Variants in STAG1 observed in about 807,000 individuals in gnomAD.
STAG1 encodes the protein cohesin subunit SA-1.
In STAG1, 26 loss-of-function variants were observed where a neutral mutation model predicts 170.9. That is an observed-to-expected ratio of 0.15 (90% confidence interval 0.11 to 0.21). The LOEUF (loss-of-function observed/expected upper bound fraction) is 0.21, where lower values mean the gene tolerates loss of function less well. STAG1 is among the 10% of genes least tolerant of loss of function. The pLI is 1.00. For missense variants in STAG1, 964 were observed against 1,509.5 expected (o/e 0.64, Z 5.99); for synonymous variants, 514 against 497.7 (o/e 1.03, Z -0.44).
intron 3 of STAG1, among the ~76,000 whole-genome samples, chr3:136,620,578 T>C (rs1939797561): frequency 6.6e-6 from 1 of 152,214 alleles, no homozygotes; most frequent in Non-Finnish European, 1.5e-5. Flanking sequence ...TTCATAACAC[T>C]AGTGTGAGGA....
At chr3:136,606,750 C>CTT (rs529115947) in intron 3 of STAG1, among the ~76,000 whole-genome samples, 3,252 of 126,846 alleles carry the variant, frequency 0.026, 80 homozygotes, top group Non-Finnish European at 0.041. Context: ...AGGTAACATG[C>CTT]TTTTTTTTTT....
chr3:136,733,554 T>C (rs988536559), intron 1 of STAG1, among the ~76,000 whole-genome samples: 2 of 152,206 alleles, frequency 1.3e-5, no homozygotes, highest in African/African-American at 4.8e-5. Flanking sequence ...CAAGTTTACA[T>C]AGACAGAAAC....
intron 13 of STAG1, among the ~76,000 whole-genome samples, chr3:136,456,019 G>C (rs2089102564): frequency 6.6e-6 from 1 of 152,178 alleles, no homozygotes; most frequent in African/African-American, 2.4e-5. Flanking sequence ...TTCAAGTTCT[G>C]AAACTAAGAA....
chr3:136,699,637 G>C (rs1942991777), intron 1 of STAG1, among the ~76,000 whole-genome samples: 1 of 151,816 alleles, frequency 6.6e-6, no homozygotes, highest in Non-Finnish European at 1.5e-5. Context: ...CTTGGATGGA[G>C]GTAGAGGCCA....
chr3:136,479,055 T>C (rs1286042284), intron 9 of STAG1, among the ~76,000 whole-genome samples: 1 of 116,774 alleles, frequency 8.6e-6, no homozygotes, highest in Non-Finnish European at 1.7e-5. Flanking sequence ...GCTATTATAA[T>C]CTTTCTTTTT....
chr3:136,405,229 C>CTTTTT (rs2087443754), intron 21 of STAG1, among the ~76,000 whole-genome samples: 5 of 118,504 alleles, frequency 4.2e-5, no homozygotes, highest in Admixed American at 9.2e-5. Context: ...ATGAAAAAAC[C>CTTTTT]TCTTTTTTTT....
At chr3:136,698,938 T>C (rs1429208828) in intron 1 of STAG1, among the ~76,000 whole-genome samples, 2 of 152,188 alleles carry the variant, frequency 1.3e-5, no homozygotes, top group Admixed American at 1.3e-4. Flanking sequence ...TAGAGGCCAT[T>C]GTTCTAAGTG....
In STAG1 at chr3:136,417,875, A is replaced by C. The variant is rs754805979; in HGVS notation, c.2196+10T>G. The C allele has an allele frequency of 6.2e-7, 1 of 1,607,480 alleles. No individual in the cohort carries two copies. The highest frequency in any genetic ancestry group is 1.3e-5 in the African/African-American group (1 of 74,918). Reference sequence around the variant, plus strand: ...AGAGTCATACAGAAGGAATACCAATAAACTCCTACCTGTTCTGGCATGGCT... The same window carrying C: ...AGAGTCATACAGAAGGAATACCAATCAACTCCTACCTGTTCTGGCATGGCT... On this transcript the variant is annotated intron_variant, in intron 21 of 33. Transcript: ENST00000383202.
chr3:136,574,058 C>T (rs1299489764), intron 4 of STAG1, among the ~76,000 whole-genome samples: 19 of 151,736 alleles, frequency 1.3e-4, no homozygotes, highest in Admixed American at 2.6e-4. Context: ...CTGGCTAACA[C>T]GGTGAAATCC....
Position 136,472,497 on chromosome 3 carries a change from GA to G in STAG1, c.1126-6del, listed in dbSNP as rs756531368. The stretch of plus-strand genomic sequence containing the variant: ...TGTCATTGATACAATGCGATCCTGA[GA>G]AAAAAAAGTTGTAAAACAAACCAAC... On this transcript the variant is annotated splice_polypyrimidine_tract_variant and splice_region_variant and intron_variant, in intron 11 of 33. Transcript: ENST00000383202. 2.7e-5 allele frequency: 43 copies of G among 1,605,774 alleles called. No homozygotes were observed. The South Asian group carries it at 2.8e-4, about 10-fold the overall frequency.
At chr3:136,668,326 C>G (rs984648614) in intron 1 of STAG1, among the ~76,000 whole-genome samples, 1 of 143,342 alleles carries the variant, frequency 7.0e-6, no homozygotes, top group African/African-American at 2.6e-5. Flanking sequence ...ATATATTATA[C>G]ATGATATATA....
At chr3:136,736,670 C>G in intron 1 of STAG1, 1 of 1,604,784 alleles carries the variant, frequency 6.2e-7, no homozygotes, top group Non-Finnish European at 8.5e-7. Context: ...GAGCTTCAAT[C>G]TCTTCTCCCC....
intron 12 of STAG1, among the ~76,000 whole-genome samples, chr3:136,467,755 G>C (rs1019010249): frequency 1.3e-5 from 2 of 152,074 alleles, no homozygotes; most frequent in African/African-American, 2.4e-5. Flanking sequence ...CCACATAGTT[G>C]GAAGTAAAGC....
At chr3:136,384,264 A>C (rs1294906051) in intron 22 of STAG1, among the ~76,000 whole-genome samples, 3 of 151,802 alleles carry the variant, frequency 2.0e-5, no homozygotes, top group Non-Finnish European at 4.4e-5. Context: ...CAGCCTGGCC[A>C]ACATGGCAAA....
Position 136,349,314 on chromosome 3 carries a change from C to T in STAG1, c.3115G>A (p.Glu1039Lys). The change falls in exon 29 of 34, where the codon GAG (glutamate) becomes AAG (lysine). Residue 1039 changes from glutamate to lysine, a missense_variant. Around this residue, in one of 11 missense-constraint regions of STAG1, gnomAD observed 149 missense variants for 301.3 expected, o/e 0.49. Coordinates refer to ENST00000383202, the MANE Select transcript of STAG1 (RefSeq NM_005862.3). Reference sequence around the variant, plus strand: ...GAGATGAGTGGAAGCCATACATCCTCCCTCCTTTCCATCATCTGCTCGGTA... The same window carrying T: ...GAGATGAGTGGAAGCCATACATCCTTCCTCCTTTCCATCATCTGCTCGGTA... ...FLTEQMMERREDVWLPLISYR... is the reference protein window; with the variant it reads ...FLTEQMMERRKDVWLPLISYR... The T allele has an allele frequency of 1.2e-6, 2 of 1,614,024 alleles. No homozygotes were observed. The highest frequency in any genetic ancestry group is 1.7e-6 in the Non-Finnish European group (2 of 1,179,922).
At chr3:136,606,348 C>T (rs969288271) in intron 3 of STAG1, among the ~76,000 whole-genome samples, 6 of 152,080 alleles carry the variant, frequency 3.9e-5, no homozygotes, top group African/African-American at 1.4e-4. Flanking sequence ...GTCATCACGC[C>T]CAGCTCATTT....
chr3:136,654,342 C>T (rs900360452), intron 1 of STAG1, among the ~76,000 whole-genome samples: 1 of 152,136 alleles, frequency 6.6e-6, no homozygotes, highest in South Asian at 2.1e-4. Flanking sequence ...TTTCTATACA[C>T]TAACAATGAA....
At chr3:136,648,837 C>G (rs1941119653) in intron 1 of STAG1, among the ~76,000 whole-genome samples, 2 of 152,166 alleles carry the variant, frequency 1.3e-5, no homozygotes, top group African/African-American at 4.8e-5. Flanking sequence ...TCAATAGTCT[C>G]CTAGTCTTCT....
At chr3:136,422,686 A>C (rs1485228724) in intron 18 of STAG1, 73 bp from the exon 19 acceptor site, 41 of 1,538,958 alleles carry the variant, frequency 2.7e-5, no homozygotes, top group Non-Finnish European at 3.6e-5. Context: ...CATCTGTCAA[A>C]TAACAAGTCT....
Sources: gnomAD v4.1 joint callset for allele counts (sites outside exome capture counted in the v4.1 genomes callset) on GRCh38, gnomAD v4.1.1 for gene constraint, gnomAD v4.1.1 regional missense constraint, MANE v1.5 for transcripts, NCBI Gene and HGNC (gene_info 2026-07-23, HGNC 2026-07-21) for gene names.